CAMTA1: variants seen among roughly 807,000 people sequenced by gnomAD.
CAMTA1 encodes calmodulin-binding transcription activator 1.
Under a neutral mutation model 170.9 loss-of-function variants are expected in CAMTA1, and 27 were observed. That is an observed-to-expected ratio of 0.16 (90% confidence interval 0.12 to 0.22). The LOEUF is 0.22. Ranked by LOEUF, CAMTA1 falls within the 10% of genes least tolerant of loss-of-function variation. The pLI is 1.00. For missense variants in CAMTA1, 1,619 were observed against 2,217.2 expected (o/e 0.73, Z 5.42); for synonymous variants, 833 against 891.5 (o/e 0.93, Z 1.17).
intron 1 of CAMTA1, among the ~76,000 whole-genome samples, chr1:6,797,131 G>A (rs956405664): frequency 3.3e-5 from 5 of 151,684 alleles, no homozygotes; most frequent in African/African-American, 7.3e-5. Flanking sequence ...GTGTAGTGGC[G>A]TGATCTTGTG....
At chr1:7,045,619 C>G (rs1297966571) in intron 3 of CAMTA1, among the ~76,000 whole-genome samples, 2 of 152,210 alleles carry the variant, frequency 1.3e-5, no homozygotes, top group Non-Finnish European at 2.9e-5. Flanking sequence ...AGGGGAGGCC[C>G]TAGAAGGTGA....
intron 4 of CAMTA1, among the ~76,000 whole-genome samples, chr1:7,168,626 A>T (rs1216988450): frequency 6.6e-6 from 1 of 151,978 alleles, no homozygotes; most frequent in Non-Finnish European, 1.5e-5. Context: ...CTGGCCTGGA[A>T]CTCCTGACCT....
chr1:7,591,289 A>G lies in CAMTA1; in HGVS notation c.511-49111A>G, dbSNP rs558594881. Among the ~76,000 whole-genome samples the G allele has an allele frequency of 8.5e-4, 129 of 152,378 alleles. 1 individual carries two copies. Among genetic ancestry groups the G allele is most frequent in the African/African-American group, 2.8e-3 (115 of 41,594 alleles). On this transcript the variant is annotated intron_variant, in intron 6 of 22. Coordinates refer to ENST00000303635, the MANE Select transcript of CAMTA1 (RefSeq NM_015215.4). ...TGCACAAAATCGGAGGCCCTGGGTC[A>G]TAACGAAGTTCAGATCAATTAAAAC...
chr1:7,045,955 A>G (rs1278005594), intron 3 of CAMTA1, among the ~76,000 whole-genome samples: 1 of 152,228 alleles, frequency 6.6e-6, no homozygotes, highest in Non-Finnish European at 1.5e-5. Flanking sequence ...AAACAGACGC[A>G]TGGTTTAGGT....
chr1:6,879,064 C>T (rs1223928943), intron 3 of CAMTA1, among the ~76,000 whole-genome samples: 1 of 152,148 alleles, frequency 6.6e-6, no homozygotes, highest in Non-Finnish European at 1.5e-5. Context: ...ACCTTACCAT[C>T]CCTGCACTTC....
chr1:7,244,107 A>G (rs1330147370), intron 4 of CAMTA1, among the ~76,000 whole-genome samples: 4 of 152,366 alleles, frequency 2.6e-5, no homozygotes, highest in African/African-American at 9.6e-5. Flanking sequence ...TCTCAAAAGA[A>G]GACATTTATG....
At chr1:7,594,578 C>T (rs955848475) in intron 6 of CAMTA1, among the ~76,000 whole-genome samples, 2 of 152,162 alleles carry the variant, frequency 1.3e-5, no homozygotes, top group Admixed American at 6.5e-5. Flanking sequence ...TCTGGGCTGG[C>T]GGCCTGCAGA....
intron 4 of CAMTA1, among the ~76,000 whole-genome samples, chr1:7,211,215 G>A (rs568992392): frequency 6.6e-6 from 1 of 152,094 alleles, no homozygotes; most frequent in African/African-American, 2.4e-5. Flanking sequence ...ATAGTGTCTC[G>A]ACTTTAACAT....
chr1:7,012,821 C>T (rs1342510366), intron 3 of CAMTA1, among the ~76,000 whole-genome samples: 1 of 152,180 alleles, frequency 6.6e-6, no homozygotes, highest in Non-Finnish European at 1.5e-5. Flanking sequence ...AGACTCACAT[C>T]TCTAAATGTA....
intron 4 of CAMTA1, among the ~76,000 whole-genome samples, chr1:7,104,879 C>G (rs957555026): frequency 6.6e-6 from 1 of 152,204 alleles, no homozygotes; most frequent in Admixed American, 6.5e-5. Flanking sequence ...ATATAATTGC[C>G]AAACTTTGAA....
intron 6 of CAMTA1, among the ~76,000 whole-genome samples, chr1:7,535,776 G>T (rs1158949122): frequency 6.6e-6 from 1 of 152,156 alleles, no homozygotes; most frequent in East Asian, 1.9e-4. Context: ...ACCCCAGGAG[G>T]TGATACCTCA....
At chr1:7,420,305 C>T (rs2091475550) in intron 5 of CAMTA1, among the ~76,000 whole-genome samples, 1 of 152,114 alleles carries the variant, frequency 6.6e-6, no homozygotes, top group Non-Finnish European at 1.5e-5. Flanking sequence ...CCTTTCCAGA[C>T]CTGCTGCCCA....
chr1:7,518,843 G>A (rs1421742677), intron 6 of CAMTA1, among the ~76,000 whole-genome samples: 1 of 151,998 alleles, frequency 6.6e-6, no homozygotes, highest in Non-Finnish European at 1.5e-5. Context: ...CCCTTCTGAG[G>A]TCAAACTTGG....
chr1:7,161,609 T>C (rs1647226069), intron 4 of CAMTA1, among the ~76,000 whole-genome samples: 1 of 152,218 alleles, frequency 6.6e-6, no homozygotes, highest in Admixed American at 6.5e-5. Flanking sequence ...CTACCATCCA[T>C]GTAAGACATG....
In CAMTA1 at chr1:7,456,903, C is replaced by A. The variant is rs2092966044; in HGVS notation, c.439-10927C>A. On this transcript the variant is annotated intron_variant, in intron 5 of 22. Coordinates refer to ENST00000303635, the MANE Select transcript of CAMTA1 (RefSeq NM_015215.4). The surrounding 1 kb of genome is among the most constrained non-coding windows in gnomAD (Gnocchi z 4.9). ...CAGGCGCTAGAGCTGACGAGAACAG[C>A]CCATGTGGAGCGTGCAGCAAGGCCC... Among the ~76,000 whole-genome samples the A allele has an allele frequency of 6.6e-6, 1 of 152,172 alleles. No individual in the cohort carries two copies. Among genetic ancestry groups the A allele is most frequent in the Non-Finnish European group, 1.5e-5 (1 of 68,022 alleles).
chr1:7,073,281 C>T (rs981398257), intron 3 of CAMTA1, among the ~76,000 whole-genome samples: 7 of 152,012 alleles, frequency 4.6e-5, no homozygotes, highest in African/African-American at 1.7e-4. Flanking sequence ...ATGGTAGGTT[C>T]ATGTGTGAAG....
At chr1:6,818,469 C>A (rs563219701) in intron 1 of CAMTA1, among the ~76,000 whole-genome samples, 2 of 152,116 alleles carry the variant, frequency 1.3e-5, no homozygotes, top group African/African-American at 4.8e-5. Context: ...TTGGGTGGTA[C>A]CTTTGAATTG....
intron 5 of CAMTA1, among the ~76,000 whole-genome samples, chr1:7,259,057 G>A (rs1480733244): frequency 1.3e-5 from 2 of 152,130 alleles, no homozygotes; most frequent in African/African-American, 4.8e-5. Context: ...GAAGGAACGA[G>A]CTCCTCACGC....
At chr1:7,618,567 C>T (rs371118507) in intron 6 of CAMTA1, among the ~76,000 whole-genome samples, 28 of 152,194 alleles carry the variant, frequency 1.8e-4, no homozygotes, top group Non-Finnish European at 3.8e-4. Context: ...CTCCTTGGGC[C>T]GGTTCCGATG....
Sources: allele counts gnomAD v4.1 joint callset (sites outside exome capture counted in the v4.1 genomes callset), GRCh38; gene constraint gnomAD v4.1.1; non-coding constraint Gnocchi (gnomAD v3.1); transcripts MANE v1.5; gene names NCBI Gene and HGNC (gene_info 2026-07-23, HGNC 2026-07-21).